ASPRV1: variants seen among roughly 807,000 people sequenced by gnomAD.
ASPRV1 encodes the protein retroviral-like aspartic protease 1.
ASPRV1 carries 7 observed loss-of-function variants against 11.0 expected under a neutral mutation model. The observed-to-expected ratio is 0.64, with a 90% confidence interval of 0.36 to 1.20. The LOEUF (loss-of-function observed/expected upper bound fraction) is 1.20. Among genes scored for constraint, ASPRV1 ranks in the 50% most tolerant of loss-of-function variants. The pLI, the probability that ASPRV1 is intolerant of heterozygous loss-of-function variation, is 0.02. For missense variants in ASPRV1, 299 were observed against 320.0 expected, an observed-to-expected ratio of 0.93 and a Z score of 0.50; for synonymous variants, 136 against 138.4, an observed-to-expected ratio of 0.98 and a Z score of 0.12.
At chr2:69,937,360 C>T in the ASPRV1 span, 1 of 1,613,480 alleles carries the variant, frequency 6.2e-7, no homozygotes, top group African/African-American at 1.3e-5. Context: ...GCATCGGCTC[C>T]ACCGTCTCCT....
At chr2:69,963,941 G>C (rs978503744), upstream of ASPRV1, among the ~76,000 whole-genome samples, 1 of 152,182 alleles carries the variant, frequency 6.6e-6, no homozygotes, top group Non-Finnish European at 1.5e-5. Context: ...ACAAAGAGCT[G>C]CTTGTTAAAT....
chr2:69,965,545 A>C (rs1200160353), upstream of ASPRV1, among the ~76,000 whole-genome samples: 3 of 152,264 alleles, frequency 2.0e-5, no homozygotes, highest in Non-Finnish European at 4.4e-5. Context: ...AGCGGGCAGG[A>C]CACGTTTGCT....
At chr2:69,974,836 G>A in the ASPRV1 span, among the ~76,000 whole-genome samples, 1 of 152,220 alleles carries the variant, frequency 6.6e-6, no homozygotes, top group East Asian at 1.9e-4. Flanking sequence ...ACAATGTTGG[G>A]TGGGTGAAGA....
chr2:69,953,752 G>A, the ASPRV1 span, among the ~76,000 whole-genome samples: 1 of 151,762 alleles, frequency 6.6e-6, no homozygotes. Flanking sequence ...CTGTTGCCCA[G>A]CCTGAAGTGC....
chr2:69,985,894 G>T, the ASPRV1 span, among the ~76,000 whole-genome samples: 1 of 152,178 alleles, frequency 6.6e-6, no homozygotes. Flanking sequence ...ACCTACGTAA[G>T]CACAACCGTT....
At chr2:69,978,885 A>G in the ASPRV1 span, among the ~76,000 whole-genome samples, 15 of 152,108 alleles carry the variant, frequency 9.9e-5, no homozygotes, top group Admixed American at 9.2e-4. Flanking sequence ...ACAAGAGGCC[A>G]TATCTTCATA....
At chr2:69,949,256 AATG>A in the ASPRV1 span, among the ~76,000 whole-genome samples, 1 of 122,342 alleles carries the variant, frequency 8.2e-6, no homozygotes, top group Admixed American at 7.6e-5. Flanking sequence ...TGGATGGGCG[AATG>A]AATGAATGAA....
downstream of ASPRV1, among the ~76,000 whole-genome samples, chr2:69,956,479 A>AAGAAGAAGAAGAAGAAGAAGAAGAAG (rs1558579534): frequency 2.8e-4 from 37 of 132,006 alleles, 3 homozygotes; most frequent in African/African-American, 7.6e-4. Context: ...AGAAGAAGAA[A>AAGAAGAAGAAGAAGAAGAAGAAGAAG]AGAGGAAGAA....
chr2:69,950,908 G>A, the ASPRV1 span, among the ~76,000 whole-genome samples: 5 of 150,078 alleles, frequency 3.3e-5, no homozygotes, highest in African/African-American at 4.9e-5. Context: ...TAAAATAGGG[G>A]ATTGGTTTAG....
chr2:69,942,267 A>G, the ASPRV1 span: 3 of 152,184 alleles, frequency 2.0e-5, no homozygotes, highest in Admixed American at 6.5e-5. Flanking sequence ...GTGGTTTCTC[A>G]TTCTACATCC....
At chr2:70,078,300 CTA>C in the ASPRV1 span, among the ~76,000 whole-genome samples, 2 of 152,040 alleles carry the variant, frequency 1.3e-5, no homozygotes, top group Non-Finnish European at 2.9e-5. Flanking sequence ...ATGTAATAAA[CTA>C]TGGTAGAGAG....
chr2:70,042,319 C>T, the ASPRV1 span, among the ~76,000 whole-genome samples: 7 of 152,044 alleles, frequency 4.6e-5, no homozygotes, highest in Non-Finnish European at 1.0e-4. Flanking sequence ...GAGCACTAGG[C>T]GAAGTTCAAG....
At chr2:69,964,659 A>G (rs1678275303), upstream of ASPRV1, 1 of 211,494 alleles carries the variant, frequency 4.7e-6, no homozygotes, top group Non-Finnish European at 9.8e-6. Flanking sequence ...CACCCTCATT[A>G]TCACCCATTA....
At chr2:70,035,653 G>A in the ASPRV1 span, among the ~76,000 whole-genome samples, 8 of 149,864 alleles carry the variant, frequency 5.3e-5, no homozygotes, top group Non-Finnish European at 1.0e-4. Flanking sequence ...CTCCTCATAC[G>A]AGATAATTAC....
chr2:70,030,617 T>C, the ASPRV1 span: 3 of 152,196 alleles, frequency 2.0e-5, no homozygotes, highest in African/African-American at 4.8e-5. Flanking sequence ...AACCACACTA[T>C]TTAATTCTTC....
chr2:70,019,145 C>T, the ASPRV1 span: 1 of 151,964 alleles, frequency 6.6e-6, no homozygotes, highest in Non-Finnish European at 1.5e-5. Context: ...TACAAATGGC[C>T]AACAGGAATC....
the ASPRV1 span, chr2:69,937,454 TTCAGTAC>T: frequency 1.0e-6 from 1 of 962,562 alleles, no homozygotes; most frequent in Non-Finnish European, 1.5e-6. Flanking sequence ...AGAGCAGGGG[TTCAGTAC>T]TGCGGACAGG....
chr2:69,996,461 C>G, the ASPRV1 span, among the ~76,000 whole-genome samples: 1 of 152,060 alleles, frequency 6.6e-6, no homozygotes, highest in East Asian at 1.9e-4. Flanking sequence ...GGACACATCT[C>G]AAATGTTCAA....
chr2:70,016,531 A>C, the ASPRV1 span, among the ~76,000 whole-genome samples: 1 of 152,162 alleles, frequency 6.6e-6, no homozygotes. Context: ...ACAAAGCAAG[A>C]CCAGCAAACC....
Sources: allele counts gnomAD v4.1 joint callset (sites outside exome capture counted in the v4.1 genomes callset), GRCh38; gene constraint gnomAD v4.1.1; transcripts MANE v1.5; gene names NCBI Gene and HGNC (gene_info 2026-07-23, HGNC 2026-07-21).